The following NT5C2 variants were observed in gnomAD, a reference collection of about 807,000 sequenced individuals.
NT5C2 encodes the protein cytosolic purine 5'-nucleotidase.
In NT5C2, 58 loss-of-function variants were observed where a neutral mutation model predicts 76.1. The observed-to-expected ratio is 0.76, with a 90% CI of 0.62 to 0.95. NT5C2 has a LOEUF of 0.95. Among genes scored for constraint, NT5C2 ranks in the 40% least tolerant of loss-of-function variants. The probability of loss-of-function intolerance (pLI) is 0.00; values close to 1 mark genes in which losing one functional copy is unlikely to be tolerated. For synonymous variants in NT5C2, 229 were observed against 237.4 expected, an observed-to-expected ratio of 0.96 and a Z score of 0.32; for missense variants, 478 against 690.3, an observed-to-expected ratio of 0.69 and a Z score of 3.45.
rs1028613768 is a variant in NT5C2, at chr10:103,094,431, G to C, written c.838C>G (p.Gln280Glu). The change falls in exon 13 of 19, where the codon CAG becomes GAG. Residue 280 changes from glutamine to glutamate, a missense_variant. Physicochemically the swap from Gln to Glu is conservative, Grantham distance 29 (BLOSUM62 2). Transcript: ENST00000404739. Reference sequence around the variant, plus strand: ...ACCAAGATCAAGTCAAAGTAGGACTGCCATGGTCGATGGGAGCTCCCAGGC... The same window carrying C: ...ACCAAGATCAAGTCAAAGTAGGACTCCCATGGTCGATGGGAGCTCCCAGGC... ...PKPGSSHRPW[Q>E]SYFDLILVDA... The C allele has an allele frequency of 6.2e-7, 1 of 1,613,172 alleles. No homozygotes were observed. Among genetic ancestry groups the C allele is most frequent in the East Asian group, 2.2e-5 (1 of 44,886 alleles).
chr10:103,090,854 C>T lies in NT5C2; in HGVS notation c.1273-67G>A. 6.3e-6 allele frequency: 10 copies of T among 1,588,394 alleles called. No homozygotes were observed. In the South Asian group the frequency reaches 1.0e-4, roughly 16 times the overall value. On this transcript the variant is annotated intron_variant, in intron 17 of 18. Coordinates refer to ENST00000404739, the MANE Select transcript of NT5C2 (RefSeq NM_001351169.2). ...ATATTTATTGAGCAGTAGTTGAATG[C>T]TAGTCTCTATAATAAATCAGGAATG...
chr10:103,119,733 A>G (rs979806147), intron 4 of NT5C2, among the ~76,000 whole-genome samples: 1 of 152,204 alleles, frequency 6.6e-6, no homozygotes, highest in African/African-American at 2.4e-5. Flanking sequence ...TTAATTCATC[A>G]AAGAGTTTCA....
At chr10:103,100,987 A>G in intron 8 of NT5C2, 58 bp downstream of exon 8, 1 of 983,924 alleles carries the variant, frequency 1.0e-6, no homozygotes, top group Non-Finnish European at 1.6e-6. Flanking sequence ...GTTCTCTAAA[A>G]CCCTGTGCAT....
chr10:103,131,664 T>C (rs1462752772), intron 4 of NT5C2, among the ~76,000 whole-genome samples: 3 of 152,228 alleles, frequency 2.0e-5, no homozygotes, highest in African/African-American at 7.2e-5. Flanking sequence ...CTCACACCTG[T>C]AGTCTCAGCA....
chr10:103,124,894 TTATATTTAATATAATTAA>T (rs1460701974), intron 4 of NT5C2: 11 of 148,356 alleles, frequency 7.4e-5, no homozygotes, highest in Non-Finnish European at 1.2e-4. Flanking sequence ...TTTAATGTAA[TTATATTTAATATAATTAA>T]TATATTTAAT....
At chr10:103,178,162 CT>C (rs1320450048) in intron 2 of NT5C2, among the ~76,000 whole-genome samples, 1 of 152,188 alleles carries the variant, frequency 6.6e-6, no homozygotes, top group Non-Finnish European at 1.5e-5. Flanking sequence ...ACTGGCTCTC[CT>C]TTTGTGGAAA....
intron 4 of NT5C2, among the ~76,000 whole-genome samples, chr10:103,134,199 C>T (rs754632612): frequency 3.3e-5 from 5 of 152,178 alleles, no homozygotes; most frequent in East Asian, 1.9e-4. Flanking sequence ...TGCTAATCAC[C>T]GAGACAATGG....
intron 1 of NT5C2, among the ~76,000 whole-genome samples, chr10:103,182,053 T>C (rs1415432810): frequency 3.3e-5 from 5 of 151,784 alleles, no homozygotes; most frequent in East Asian, 3.9e-4. Flanking sequence ...CTTCTTTTCA[T>C]GACAATTCTG....
chr10:103,155,754 C>G (rs532919928), intron 3 of NT5C2, among the ~76,000 whole-genome samples: 1 of 152,196 alleles, frequency 6.6e-6, no homozygotes, highest in South Asian at 2.1e-4. Context: ...CTGCTCAACA[C>G]AAAAGTGGAC....
At chr10:103,187,960 T>C (rs1051350023) in intron 1 of NT5C2, among the ~76,000 whole-genome samples, 8 of 152,208 alleles carry the variant, frequency 5.3e-5, no homozygotes, top group Admixed American at 5.2e-4. Flanking sequence ...AATCAGAGCA[T>C]AACAAAAGCA....
chr10:103,177,092 T>A (rs1156818741), intron 2 of NT5C2, among the ~76,000 whole-genome samples: 4 of 152,146 alleles, frequency 2.6e-5, no homozygotes, highest in Non-Finnish European at 5.9e-5. Context: ...GATAAATAAA[T>A]ACATTTTGAT....
intron 12 of NT5C2, among the ~76,000 whole-genome samples, chr10:103,095,344 T>TTTC (rs2067926898): frequency 1.3e-5 from 2 of 152,328 alleles, no homozygotes; most frequent in South Asian, 4.1e-4. Flanking sequence ...CACACTGTGA[T>TTTC]TTCAGGTGTT....
At chr10:103,162,600 G>T (rs1406806439) in intron 3 of NT5C2, among the ~76,000 whole-genome samples, 1 of 152,126 alleles carries the variant, frequency 6.6e-6, no homozygotes, top group Non-Finnish European at 1.5e-5. Context: ...CTCATACATT[G>T]TAAGTGGAAC....
intron 17 of NT5C2, 51 bp from the exon 18 acceptor site, chr10:103,090,838 G>T: frequency 1.3e-6 from 2 of 1,597,908 alleles, no homozygotes; most frequent in South Asian, 2.2e-5. Context: ...AATATTTATT[G>T]AGCAGTAGTT....
intron 18 of NT5C2, chr10:103,090,208 G>A (rs947367721): frequency 2.8e-6 from 1 of 358,208 alleles, no homozygotes; most frequent in Non-Finnish European, 5.0e-6. Context: ...TCAGAATAAA[G>A]GAATGTAAAA....
chr10:103,138,250 G>A (rs576474051), intron 4 of NT5C2, among the ~76,000 whole-genome samples: 39 of 152,260 alleles, frequency 2.6e-4, no homozygotes, highest in African/African-American at 8.9e-4. Flanking sequence ...AGAAACCCCA[G>A]TACATCTCTG....
chr10:103,111,666 A>G, intron 4 of NT5C2: 2 of 957,160 alleles, frequency 2.1e-6, no homozygotes, highest in Non-Finnish European at 2.7e-6. Context: ...GTAGTAATTT[A>G]TAGATTTAGA....
At chr10:103,137,683 G>T (rs1003928503) in intron 4 of NT5C2, among the ~76,000 whole-genome samples, 2 of 152,132 alleles carry the variant, frequency 1.3e-5, no homozygotes, top group African/African-American at 4.8e-5. Flanking sequence ...GATTCTGTGT[G>T]TCACAGTTTC....
chr10:103,163,876 A>C (rs914415021), intron 3 of NT5C2, among the ~76,000 whole-genome samples: 15 of 150,540 alleles, frequency 1.0e-4, no homozygotes, highest in East Asian at 3.9e-4. Flanking sequence ...AAAAACAAAA[A>C]AAAAAAAACC....
Sources: gnomAD v4.1 joint callset for allele counts (sites outside exome capture counted in the v4.1 genomes callset) on GRCh38, gnomAD v4.1.1 for gene constraint, MANE v1.5 for transcripts, NCBI Gene and HGNC (gene_info 2026-07-23, HGNC 2026-07-21) for gene names.